SCFD2: variants seen among roughly 807,000 people sequenced by gnomAD.
SCFD2 encodes the protein sec1 family domain containing 2, also known as sec1 family domain-containing protein 2.
SCFD2 carries 54 observed loss-of-function variants against 58.9 expected under a neutral mutation model. The observed-to-expected ratio is 0.92, with a 90% CI of 0.74 to 1.15. SCFD2 has a LOEUF of 1.15. SCFD2 is among the 50% of genes most tolerant of loss of function. SCFD2 has a pLI of 0.00. For missense variants in SCFD2, 805 were observed against 836.6 expected, an observed-to-expected ratio of 0.96 and a Z score of 0.47; for synonymous variants, 321 against 335.9, an observed-to-expected ratio of 0.96 and a Z score of 0.49.
At chr4:53,211,115 C>T (rs1381776197) in intron 4 of SCFD2, among the ~76,000 whole-genome samples, 2 of 151,976 alleles carry the variant, frequency 1.3e-5, no homozygotes, top group African/African-American at 4.8e-5. Context: ...TGGTGGCACG[C>T]ACCTGTAGTC....
At chr4:52,937,184 T>C (rs1577841165) in intron 5 of SCFD2, among the ~76,000 whole-genome samples, 1 of 152,168 alleles carries the variant, frequency 6.6e-6, no homozygotes, top group South Asian at 2.1e-4. Context: ...GGGGAAAAAC[T>C]TTCTGGACAG....
At chr4:52,942,059 T>C (rs1266689248) in intron 5 of SCFD2, among the ~76,000 whole-genome samples, 1 of 152,208 alleles carries the variant, frequency 6.6e-6, no homozygotes, top group African/African-American at 2.4e-5. Flanking sequence ...CTGCTGATTC[T>C]TTCACAGGGC....
chr4:53,191,851 TC>T (rs142194454), intron 4 of SCFD2, among the ~76,000 whole-genome samples: 125 of 152,308 alleles, frequency 8.2e-4, no homozygotes, highest in African/African-American at 2.9e-3. Context: ...AAGTCCCACT[TC>T]TACTGCTTGT....
chr4:53,166,504 G>C (rs954936372), intron 4 of SCFD2, among the ~76,000 whole-genome samples: 1 of 152,110 alleles, frequency 6.6e-6, no homozygotes, highest in African/African-American at 2.4e-5. Context: ...GAGGTACATA[G>C]AGAGATTGGA....
chr4:53,070,115 T>G (rs1011216518), intron 5 of SCFD2, among the ~76,000 whole-genome samples: 2 of 152,014 alleles, frequency 1.3e-5, no homozygotes, highest in African/African-American at 4.8e-5. Context: ...CAACCACTTA[T>G]AGCTACAAAT....
In SCFD2 at chr4:52,927,865, C is replaced by T. The variant is rs183615898; in HGVS notation, c.1562-6995G>A. Among the ~76,000 whole-genome samples the T allele has an allele frequency of 4.8e-4, 73 of 152,252 alleles. 1 individual carries two copies. The highest frequency in any genetic ancestry group is 3.2e-4 in the Non-Finnish European group (22 of 68,028). On this transcript the variant is annotated intron_variant, in intron 5 of 8. Transcript: ENST00000401642. The stretch of plus-strand genomic sequence containing the variant: ...GTCAGGTGGAGGCTGGTTTAGAATA[C>T]ATAAATTATATCTATTATATATACA...
At position 53,365,465 on chromosome 4, in the gene SCFD2, C is replaced by T. The variant is rs766224493; in HGVS notation, c.477G>A (p.Leu159=). 2.5e-6 allele frequency: 4 copies of T among 1,614,040 alleles called. No homozygotes were observed. The highest frequency in any genetic ancestry group is 1.6e-4 in the Middle Eastern group (1 of 6,084). Residue 159 remains leucine, a synonymous_variant, in exon 1 of 9, where the codon TTG becomes TTA. Transcript: ENST00000401642. The surrounding 1 kb of genome is among the most constrained non-coding windows in gnomAD (Gnocchi z 4.3). The part of the protein sequence containing the change: ...YTAEVFHVPL[L]LAPVAPHFAL... ...CAAAGTGGGGAGCAACAGGGGCAAG[C>T]AATAACGGGACATGGAACACCTCGG...
intron 4 of SCFD2, among the ~76,000 whole-genome samples, chr4:53,252,101 G>C (rs905484783): frequency 2.0e-5 from 3 of 148,992 alleles, no homozygotes; most frequent in Admixed American, 2.0e-4. Context: ...CAGACAAACA[G>C]AGAGCCAAAT....
chr4:53,107,401 C>G (rs1725036540), intron 5 of SCFD2, among the ~76,000 whole-genome samples: 3 of 152,046 alleles, frequency 2.0e-5, no homozygotes, highest in Admixed American at 2.0e-4. Context: ...ATAAATGGGC[C>G]AAATGCCCCA....
chr4:52,993,360 C>T (rs1721666450), intron 5 of SCFD2, among the ~76,000 whole-genome samples: 1 of 152,032 alleles, frequency 6.6e-6, no homozygotes, highest in Non-Finnish European at 1.5e-5. Context: ...GCCAAATCCC[C>T]CTCTCGGAGA....
chr4:52,896,056 A>ATATT (rs1191805461), intron 7 of SCFD2, among the ~76,000 whole-genome samples: 1 of 151,942 alleles, frequency 6.6e-6, no homozygotes, highest in African/African-American at 2.4e-5. Flanking sequence ...TAGATTCTGG[A>ATATT]TATTAGCCCT....
At chr4:52,953,978 T>C (rs1405180388) in intron 5 of SCFD2, among the ~76,000 whole-genome samples, 2 of 152,192 alleles carry the variant, frequency 1.3e-5, no homozygotes, top group Non-Finnish European at 2.9e-5. Flanking sequence ...TGCCACCTAC[T>C]AGCTATGTAA....
At chr4:53,011,919 TGGGGAGAGGAAAA>T (rs1722101230) in intron 5 of SCFD2, among the ~76,000 whole-genome samples, 1 of 151,718 alleles carries the variant, frequency 6.6e-6, no homozygotes, top group Admixed American at 6.6e-5. Context: ...ACATTGATTG[TGGGGAGAGGAAAA>T]GGTTCTGGGA....
At chr4:53,214,499 GGTT>G (rs1728742744) in intron 4 of SCFD2, among the ~76,000 whole-genome samples, 1 of 151,828 alleles carries the variant, frequency 6.6e-6, no homozygotes, top group South Asian at 2.1e-4. Flanking sequence ...TTTTTGATGG[GGTT>G]GTTTTTTTCT....
chr4:53,041,209 C>T (rs945232233), intron 5 of SCFD2, among the ~76,000 whole-genome samples: 3 of 152,138 alleles, frequency 2.0e-5, no homozygotes, highest in East Asian at 1.9e-4. Context: ...CAATGGCAGA[C>T]GTTTGTTTCT....
At chr4:53,309,732 G>C (rs536051784) in intron 3 of SCFD2, among the ~76,000 whole-genome samples, 2 of 152,228 alleles carry the variant, frequency 1.3e-5, no homozygotes, top group African/African-American at 4.8e-5. Flanking sequence ...GAGAAAGAAA[G>C]GAGAAATAAT....
intron 4 of SCFD2, among the ~76,000 whole-genome samples, chr4:53,263,160 TATC>T (rs1287767891): frequency 6.6e-6 from 1 of 152,132 alleles, no homozygotes; most frequent in Non-Finnish European, 1.5e-5. Flanking sequence ...TCATATCCTA[TATC>T]ATATTTTTGA....
intron 5 of SCFD2, among the ~76,000 whole-genome samples, chr4:52,982,018 G>A (rs780664564): frequency 9.2e-5 from 14 of 152,164 alleles, no homozygotes; most frequent in Non-Finnish European, 1.8e-4. Context: ...GAGGACTTAC[G>A]GACAGTAAGG....
At chr4:53,291,207 A>G (rs1731829108) in intron 3 of SCFD2, among the ~76,000 whole-genome samples, 1 of 152,166 alleles carries the variant, frequency 6.6e-6, no homozygotes, top group African/African-American at 2.4e-5. Context: ...ACAAAATACT[A>G]GCATACAAAT....
Sources: allele counts gnomAD v4.1 joint callset (sites outside exome capture counted in the v4.1 genomes callset), GRCh38; gene constraint gnomAD v4.1.1; non-coding constraint Gnocchi (gnomAD v3.1); transcripts MANE v1.5; gene names NCBI Gene and HGNC (gene_info 2026-07-23, HGNC 2026-07-21).